The following ZNF407 variants were observed in gnomAD, a reference collection of about 807,000 sequenced individuals.
ZNF407 encodes the protein zinc finger protein 407.
ZNF407 carries 17 observed loss-of-function variants against 131.2 expected under a neutral mutation model. That is an observed-to-expected ratio of 0.13 (90% CI 0.09 to 0.19). The LOEUF (loss-of-function observed/expected upper bound fraction) is 0.19, where lower values mean the gene tolerates loss of function less well. Ranked by LOEUF, ZNF407 falls within the 10% of genes least tolerant of loss-of-function variation. ZNF407 has a pLI of 1.00. For synonymous variants in ZNF407, 1,156 were observed against 1,062.0 expected (o/e 1.09, Z -1.72); for missense variants, 2,681 against 2,830.6 (o/e 0.95, Z 1.20).
intron 7 of ZNF407, among the ~76,000 whole-genome samples, chr18:74,915,138 G>A (rs1295331539): frequency 1.3e-5 from 2 of 152,150 alleles, no homozygotes; most frequent in Non-Finnish European, 2.9e-5. Flanking sequence ...TGTAATAGGA[G>A]GTCCCAGGTG....
chr18:74,836,943 G>A (rs940260905), intron 4 of ZNF407, among the ~76,000 whole-genome samples: 3 of 152,178 alleles, frequency 2.0e-5, no homozygotes, highest in Non-Finnish European at 4.4e-5. Context: ...TCGAAGATCA[G>A]TGATGAGGCC....
intron 8 of ZNF407, among the ~76,000 whole-genome samples, chr18:74,932,767 C>T (rs1971996909): frequency 6.6e-6 from 1 of 152,116 alleles, no homozygotes; most frequent in Non-Finnish European, 1.5e-5. Flanking sequence ...AAATAATACT[C>T]ACCAATTTAG....
At chr18:74,915,031 ACTT>A (rs1384331486) in intron 7 of ZNF407, among the ~76,000 whole-genome samples, 1 of 152,130 alleles carries the variant, frequency 6.6e-6, no homozygotes, top group African/African-American at 2.4e-5. Context: ...GAGAAATTGG[ACTT>A]CTCATAAATT....
chr18:74,738,974 A>G (rs1268393140), intron 3 of ZNF407, among the ~76,000 whole-genome samples: 1 of 152,188 alleles, frequency 6.6e-6, no homozygotes, highest in Non-Finnish European at 1.5e-5. Context: ...TTAAAAAATA[A>G]GTGGCTCCAG....
intron 3 of ZNF407, among the ~76,000 whole-genome samples, chr18:74,645,363 A>G (rs1268841927): frequency 6.6e-6 from 1 of 152,072 alleles, no homozygotes; most frequent in East Asian, 1.9e-4. Flanking sequence ...GCCATTATTG[A>G]GAAGCGCAGA....
At chr18:75,029,103 A>G (rs1267545179) in intron 8 of ZNF407, among the ~76,000 whole-genome samples, 2 of 152,132 alleles carry the variant, frequency 1.3e-5, no homozygotes, top group African/African-American at 2.4e-5. Context: ...AAATGCACAT[A>G]ATATAGGGTT....
chr18:75,049,508 T>C (rs1368046870), intron 8 of ZNF407, among the ~76,000 whole-genome samples: 1 of 152,202 alleles, frequency 6.6e-6, no homozygotes, highest in Non-Finnish European at 1.5e-5. Context: ...GCAAGGACAT[T>C]GGAGCCCCTG....
rs576959863 is a variant in ZNF407 at position 74,832,447 on chromosome 18, G to GT, written c.4878-44740dup. On this transcript the variant is annotated intron_variant, in intron 4 of 8. Transcript: ENST00000299687. ...TGAAATATGATTTTTATTTAAGTTG[G>GT]TTTTTTTTTTCTTTTTGTTTTTTTT... Among the ~76,000 whole-genome samples the GT allele has an allele frequency of 1.6e-3, 232 of 148,104 alleles. 1 individual carries two copies. The highest frequency in any genetic ancestry group is 7.1e-3 in the Middle Eastern group (2 of 282).
rs1196811997 is a variant in ZNF407, at chr18:75,030,860, C to T, written c.5429-32290C>T. ...CCCTCTCCATTCTCTACCCCCGTGT[C>T]GTGTTCCCAAACGTGACAACTCACC... On this transcript the variant is annotated intron_variant, in intron 8 of 8. Coordinates refer to ENST00000299687, the MANE Select transcript of ZNF407 (RefSeq NM_017757.3). Among the ~76,000 whole-genome samples, 10 of 152,210 alleles carry T rather than the reference C, an allele frequency of 6.6e-5. No individual in the cohort carries two copies. The East Asian group carries it at 1.5e-3, about 23-fold the overall frequency.
intron 8 of ZNF407, among the ~76,000 whole-genome samples, chr18:74,935,450 G>A (rs1257903043): frequency 1.3e-5 from 2 of 152,104 alleles, no homozygotes; most frequent in East Asian, 3.9e-4. Flanking sequence ...GATTAACCTT[G>A]TTGTTCAGAC....
intron 8 of ZNF407, among the ~76,000 whole-genome samples, chr18:74,981,340 G>A (rs1258213354): frequency 3.9e-5 from 6 of 152,314 alleles, no homozygotes; most frequent in Admixed American, 3.3e-4. Context: ...CTGGAAAGCC[G>A]CAGCTCCAGG....
At chr18:74,811,310 CAAAACCACAATGAGATACCAT>C (rs1299576378) in intron 4 of ZNF407, among the ~76,000 whole-genome samples, 5 of 152,142 alleles carry the variant, frequency 3.3e-5, no homozygotes, top group Non-Finnish European at 7.4e-5. Flanking sequence ...AAATGCAAAT[CAAAACCACAATGAGATACCAT>C]CTCACACCAG....
At chr18:74,961,320 AAGATCACGGTGACCTAGC>A (rs1306325332) in intron 8 of ZNF407, among the ~76,000 whole-genome samples, 1 of 152,094 alleles carries the variant, frequency 6.6e-6, no homozygotes, top group Non-Finnish European at 1.5e-5. Flanking sequence ...TCAGTTGTCC[AAGATCACGGTGACCTAGC>A]AGATCATGGT....
At chr18:74,803,564 G>T (rs1970058195) in intron 4 of ZNF407, among the ~76,000 whole-genome samples, 1 of 152,084 alleles carries the variant, frequency 6.6e-6, no homozygotes, top group African/African-American at 2.4e-5. Flanking sequence ...CTATATTTTA[G>T]CAATTTTAAG....
At chr18:74,961,375 G>A (rs1972341889) in intron 8 of ZNF407, among the ~76,000 whole-genome samples, 1 of 152,076 alleles carries the variant, frequency 6.6e-6, no homozygotes, top group South Asian at 2.1e-4. Context: ...TAGGGCCCCA[G>A]CCATCTAACT....
At chr18:74,767,021 C>T (rs1407304341) in intron 3 of ZNF407, among the ~76,000 whole-genome samples, 1 of 152,174 alleles carries the variant, frequency 6.6e-6, no homozygotes, top group African/African-American at 2.4e-5. Flanking sequence ...AAGCGATTCT[C>T]CTGTCTCAGC....
chr18:74,969,021 G>GT (rs766073663), intron 8 of ZNF407, among the ~76,000 whole-genome samples: 2 of 152,036 alleles, frequency 1.3e-5, no homozygotes, highest in Admixed American at 6.5e-5. Context: ...TTTGCTGATG[G>GT]TATCCTCTGT....
intron 3 of ZNF407, among the ~76,000 whole-genome samples, chr18:74,644,899 C>T (rs551893040): frequency 1.3e-5 from 2 of 151,806 alleles, no homozygotes; most frequent in South Asian, 2.1e-4. Flanking sequence ...GTTTTCACTG[C>T]ATGTAGGAAA....
chr18:74,623,186 G>A (rs1238240570), intron 1 of ZNF407, among the ~76,000 whole-genome samples: 3 of 151,818 alleles, frequency 2.0e-5, no homozygotes, highest in Non-Finnish European at 2.9e-5. Context: ...ATGTGAATCC[G>A]TGTGTGTCTG....
Sources: allele counts gnomAD v4.1 joint callset (sites outside exome capture counted in the v4.1 genomes callset), GRCh38; gene constraint gnomAD v4.1.1; transcripts MANE v1.5; gene names NCBI Gene and HGNC (gene_info 2026-07-23, HGNC 2026-07-21).